The following FSTL4 variants were observed in gnomAD, a reference collection of about 807,000 sequenced individuals.
The protein encoded by FSTL4 is follistatin-related protein 4.
FSTL4 carries 28 observed loss-of-function variants against 78.2 expected under a neutral mutation model. The ratio of observed to expected loss-of-function variants is 0.36; its 90% CI spans 0.27 to 0.49. FSTL4 has a LOEUF of 0.49. FSTL4 is among the 20% of genes least tolerant of loss of function. FSTL4 has a pLI of 0.98. For synonymous variants in FSTL4, 422 were observed against 440.5 expected, an observed-to-expected ratio of 0.96 and a Z score of 0.53; for missense variants, 922 against 1,084.9, an observed-to-expected ratio of 0.85 and a Z score of 2.11.
chr5:133,557,949 C>T (rs184360485), intron 3 of FSTL4, among the ~76,000 whole-genome samples: 1 of 152,302 alleles, frequency 6.6e-6, no homozygotes, highest in African/African-American at 2.4e-5. Flanking sequence ...GAAAAAAGAT[C>T]CTGAAACTTC....
At chr5:133,351,965 GCT>G (rs1019661620) in intron 4 of FSTL4, among the ~76,000 whole-genome samples, 12 of 129,434 alleles carry the variant, frequency 9.3e-5, no homozygotes, top group African/African-American at 4.3e-4. Context: ...GTCTAGTATG[GCT>G]CTTTTTTTTA....
the FSTL4 span, among the ~76,000 whole-genome samples, chr5:133,655,363 C>T: frequency 3.3e-5 from 5 of 152,188 alleles, no homozygotes; most frequent in Non-Finnish European, 7.3e-5. Context: ...GAAACATAAC[C>T]CTGAATCAAG....
chr5:133,572,087 C>T (rs567418242), intron 2 of FSTL4, among the ~76,000 whole-genome samples: 1 of 152,168 alleles, frequency 6.6e-6, no homozygotes, highest in Non-Finnish European at 1.5e-5. Flanking sequence ...CACAACCATA[C>T]CTAAGTACTC....
At chr5:133,774,157 T>C in the FSTL4 span, among the ~76,000 whole-genome samples, 4 of 152,198 alleles carry the variant, frequency 2.6e-5, no homozygotes, top group African/African-American at 9.6e-5. Flanking sequence ...TCAGGAAGAC[T>C]TTCTTGGCAG....
chr5:133,281,653 G>A (rs962762341), intron 6 of FSTL4, among the ~76,000 whole-genome samples: 1 of 152,160 alleles, frequency 6.6e-6, no homozygotes, highest in African/African-American at 2.4e-5. Context: ...GCAGACGGAA[G>A]GGGAGTGGCC....
At chr5:133,713,225 A>G in the FSTL4 span, among the ~76,000 whole-genome samples, 3 of 152,210 alleles carry the variant, frequency 2.0e-5, no homozygotes, top group South Asian at 6.2e-4. Context: ...TTTAAAATCT[A>G]TGTGATAATT....
the FSTL4 span, among the ~76,000 whole-genome samples, chr5:133,701,202 A>G: frequency 6.6e-6 from 1 of 152,066 alleles, no homozygotes; most frequent in South Asian, 2.1e-4. Context: ...CAGGAGTTCA[A>G]CAGCAGCCTT....
rs746796197 is a variant in FSTL4 at position 133,400,904 on chromosome 5, C to T, written c.243G>A (p.Lys81=). 12 of 1,613,722 alleles carry T rather than the reference C, an allele frequency of 7.4e-6. No individual in the cohort carries two copies. The South Asian group carries it at 1.3e-4, about 18-fold the overall frequency. Reference sequence around the variant, plus strand: ...GGCACTGGCATTCGGGCTCCCCTGTCTTCCTGCTGAGCACGCACCGGCTCC... The same window carrying T: ...GGCACTGGCATTCGGGCTCCCCTGTTTTCCTGCTGAGCACGCACCGGCTCC... The part of the protein sequence containing the change: ...SRGSRCVLSR[K]TGEPECQCLE... Residue 81 remains lysine, a synonymous_variant, in exon 4 of 16, where the codon AAG becomes AAA. Coordinates refer to ENST00000265342, the MANE Select transcript of FSTL4 (RefSeq NM_015082.2).
At position 133,466,365 on chromosome 5, in the gene FSTL4, AC is replaced by A. The variant is rs538895961; in HGVS notation, c.161-65380del. On this transcript the variant is annotated intron_variant, in intron 3 of 15. Coordinates refer to ENST00000265342, the MANE Select transcript of FSTL4 (RefSeq NM_015082.2). ...AGACCATTCTGGCTAACACGGTGAA[AC>A]CCCGTCTCTACTAAAAATACAAAAA... is the stretch of plus-strand genomic sequence containing the variant. 5.4e-3 allele frequency among the ~76,000 whole-genome samples: 828 copies of A among 152,056 alleles called. 4 individuals carry two copies. The highest frequency in any genetic ancestry group is 7.8e-3 in the Non-Finnish European group (533 of 67,972).
At chr5:133,468,727 G>A (rs993429251) in intron 3 of FSTL4, among the ~76,000 whole-genome samples, 1 of 152,166 alleles carries the variant, frequency 6.6e-6, no homozygotes, top group African/African-American at 2.4e-5. Context: ...TCCCCCAGTT[G>A]TTCCTGTGCT....
Position 133,308,931 on chromosome 5 carries a change from C to T in FSTL4, c.727+3723G>A, listed in dbSNP as rs370047390. ...AACCTTCCCATGCATCCAACACATT[C>T]GTGGGCTTTGATCTCATAGGAGTAA... On this transcript the variant is annotated intron_variant, in intron 6 of 15. Coordinates refer to ENST00000265342, the MANE Select transcript of FSTL4 (RefSeq NM_015082.2). Among the ~76,000 whole-genome samples the T allele has an allele frequency of 1.8e-4, 28 of 152,254 alleles. No homozygotes were observed. In the East Asian group the frequency reaches 5.4e-3, roughly 29 times the overall value.
At chr5:133,414,340 G>A (rs780683558) in intron 3 of FSTL4, among the ~76,000 whole-genome samples, 29 of 152,032 alleles carry the variant, frequency 1.9e-4, no homozygotes, top group Non-Finnish European at 3.7e-4. Flanking sequence ...TTTCTTTCTT[G>A]TTCACCCTTA....
chr5:133,510,875 G>C (rs755201897), intron 3 of FSTL4, among the ~76,000 whole-genome samples: 2 of 152,030 alleles, frequency 1.3e-5, no homozygotes, highest in Non-Finnish European at 2.9e-5. Context: ...CTCCTCTGAC[G>C]TCAAAACCCA....
intron 2 of FSTL4, among the ~76,000 whole-genome samples, chr5:133,603,369 T>A (rs899742680): frequency 8.2e-4 from 125 of 152,272 alleles, no homozygotes; most frequent in African/African-American, 3.0e-3. Flanking sequence ...CATTAATCAT[T>A]CTTATCTGTT....
the FSTL4 span, among the ~76,000 whole-genome samples, chr5:133,791,277 TGCACACACACACACAC>T: frequency 3.7e-5 from 5 of 133,836 alleles, no homozygotes; most frequent in East Asian, 7.0e-4. Context: ...CACATGTGCG[TGCACACACACACACAC>T]ACACACACAC....
the FSTL4 span, among the ~76,000 whole-genome samples, chr5:133,723,397 C>T: frequency 2.0e-5 from 3 of 152,178 alleles, no homozygotes; most frequent in African/African-American, 7.2e-5. Flanking sequence ...ACAGCGGGAG[C>T]TTGGCCTTTG....
chr5:133,446,831 G>A (rs543252956), intron 3 of FSTL4, among the ~76,000 whole-genome samples: 1 of 152,152 alleles, frequency 6.6e-6, no homozygotes, highest in Non-Finnish European at 1.5e-5. Context: ...CAGCTCTGTG[G>A]CTCCACTCAT....
the FSTL4 span, among the ~76,000 whole-genome samples, chr5:133,664,177 T>G: frequency 1.3e-5 from 2 of 151,960 alleles, no homozygotes; most frequent in Non-Finnish European, 2.9e-5. Flanking sequence ...GATCAAATGA[T>G]CACGTGTCAA....
intron 3 of FSTL4, among the ~76,000 whole-genome samples, chr5:133,453,055 AAATGAATGAATG>A (rs542421324): frequency 2.0e-5 from 3 of 152,168 alleles, no homozygotes; most frequent in Non-Finnish European, 4.4e-5. Context: ...ACAGGCTCAA[AAATGAATGAATG>A]AATGAATGAA....
Sources: gnomAD v4.1 joint callset for allele counts (sites outside exome capture counted in the v4.1 genomes callset) on GRCh38, gnomAD v4.1.1 for gene constraint, MANE v1.5 for transcripts, NCBI Gene and HGNC (gene_info 2026-07-23, HGNC 2026-07-21) for gene names.